Variants in FGGY observed in about 807,000 individuals in gnomAD.
The protein encoded by FGGY is FGGY carbohydrate kinase domain-containing protein.
FGGY carries 72 observed loss-of-function variants against 71.3 expected under a neutral mutation model. The ratio of observed to expected loss-of-function variants is 1.01; its 90% CI spans 0.84 to 1.23. FGGY has a LOEUF of 1.23. Among genes scored for constraint, FGGY ranks in the 50% most tolerant of loss-of-function variants. The probability of loss-of-function intolerance (pLI) is 0.00; values close to 1 mark genes in which losing one functional copy is unlikely to be tolerated. For synonymous variants in FGGY, 251 were observed against 250.3 expected, an observed-to-expected ratio of 1.00 and a Z score of -0.02; for missense variants, 668 against 682.3, an observed-to-expected ratio of 0.98 and a Z score of 0.23.
chr1:59,378,658 T>C lies in FGGY; in HGVS notation c.466-91T>C, dbSNP rs1287935056. ...ATGTTTCAATGGGCATTGTTGGCTA[T>C]GCTTTTGTTTTGAAAAATTTGAAAC... is the stretch of plus-strand genomic sequence containing the variant. On this transcript the variant is annotated intron_variant, in intron 4 of 15. Transcript: ENST00000303721. The C allele has an allele frequency of 2.4e-5, 27 of 1,124,462 alleles. No individual in the cohort carries two copies. The South Asian group carries it at 2.8e-4, about 12-fold the overall frequency. 69.7% of individuals were successfully genotyped at this position (1,124,462 alleles called of 1,614,324 possible).
chr1:59,756,125 T>A (rs986196029), intron 14 of FGGY: 1 of 152,222 alleles, frequency 6.6e-6, no homozygotes, highest in African/African-American at 2.4e-5. Context: ...CTAAGATGTG[T>A]TTGACCATTT....
chr1:59,548,508 C>T (rs1459546860), intron 7 of FGGY, among the ~76,000 whole-genome samples: 1 of 152,042 alleles, frequency 6.6e-6, no homozygotes, highest in Non-Finnish European at 1.5e-5. Flanking sequence ...GGCATCTTTG[C>T]CCAAGGGGAT....
intron 6 of FGGY, among the ~76,000 whole-genome samples, chr1:59,464,086 T>A (rs1175882228): frequency 6.6e-6 from 1 of 152,172 alleles, no homozygotes; most frequent in Non-Finnish European, 1.5e-5. Context: ...CACATTGCAC[T>A]TATTCCAAAA....
intron 6 of FGGY, among the ~76,000 whole-genome samples, chr1:59,464,239 A>G (rs908791791): frequency 6.6e-6 from 1 of 152,260 alleles, no homozygotes. Flanking sequence ...CTACGTGGAA[A>G]GTGAACAACC....
chr1:59,742,755 C>T (rs901046406), intron 14 of FGGY, among the ~76,000 whole-genome samples: 6 of 152,242 alleles, frequency 3.9e-5, no homozygotes, highest in African/African-American at 1.4e-4. Flanking sequence ...ACCTCAAGGA[C>T]ATTCTGAGCC....
intron 2 of FGGY, among the ~76,000 whole-genome samples, chr1:59,338,506 G>T (rs1469548235): frequency 6.6e-6 from 1 of 151,622 alleles, no homozygotes; most frequent in South Asian, 2.1e-4. Flanking sequence ...GCACAAATTT[G>T]ATTTTTCAAA....
intron 8 of FGGY, among the ~76,000 whole-genome samples, chr1:59,584,054 G>A (rs1349226386): frequency 6.7e-6 from 1 of 149,668 alleles, no homozygotes; most frequent in Admixed American, 6.6e-5. Context: ...TCCAGGACCG[G>A]ATGGATTCAC....
chr1:59,345,030 C>G lies in FGGY; in HGVS notation c.314-1217C>G, dbSNP rs537110652. Reference sequence around the variant, plus strand: ...TCCAAAATACACTTTGTGCATTTCCCAGCTGTGAGACATTGGGTACGTCTT... The same window carrying G: ...TCCAAAATACACTTTGTGCATTTCCGAGCTGTGAGACATTGGGTACGTCTT... On this transcript the variant is annotated intron_variant, in intron 3 of 15. Transcript: ENST00000303721. Among the ~76,000 whole-genome samples, 7 of 152,170 alleles carry G rather than the reference C, an allele frequency of 4.6e-5. No homozygotes were observed. The South Asian group carries it at 1.5e-3, about 32-fold the overall frequency.
chr1:59,629,346 T>C (rs1376026469), intron 10 of FGGY, among the ~76,000 whole-genome samples: 1 of 152,226 alleles, frequency 6.6e-6, no homozygotes, highest in East Asian at 1.9e-4. Flanking sequence ...AATACTGTAG[T>C]AAAATATACG....
intron 14 of FGGY, among the ~76,000 whole-genome samples, chr1:59,746,095 C>G (rs542094056): frequency 2.0e-5 from 3 of 152,102 alleles, no homozygotes; most frequent in African/African-American, 7.2e-5. Flanking sequence ...CAATGATAAA[C>G]CTCCAGGTAG....
At chr1:59,297,001 A>C (rs1158033878), upstream of FGGY, 1 of 152,836 alleles carries the variant, frequency 6.5e-6, no homozygotes, top group Admixed American at 6.5e-5. Context: ...GGCTTCTCCA[A>C]CCCGGCCCGG....
At chr1:59,426,979 C>G (rs1418182744) in intron 5 of FGGY, among the ~76,000 whole-genome samples, 1 of 152,146 alleles carries the variant, frequency 6.6e-6, no homozygotes, top group East Asian at 1.9e-4. Context: ...AGAGGCCAAG[C>G]ATGCTGGGGA....
In FGGY at chr1:59,752,874, A is replaced by G. The variant is rs61065351; in HGVS notation, c.1513-5057A>G. Among the ~76,000 whole-genome samples the G allele has an allele frequency of 1.5e-3, 234 of 152,314 alleles. 6 individuals carry two copies. The East Asian group carries it at 0.034, about 22-fold the overall frequency. ...GTACAGGGCCCCTATTTTTTCCTCC[A>G]GAAACCCTTCACTTGCTTTCAGAAG... On this transcript the variant is annotated intron_variant, in intron 14 of 15. Coordinates refer to ENST00000303721, the MANE Select transcript of FGGY (RefSeq NM_018291.5).
chr1:59,416,036 A>G (rs967633488), intron 5 of FGGY, among the ~76,000 whole-genome samples: 8 of 152,212 alleles, frequency 5.3e-5, no homozygotes, highest in African/African-American at 1.2e-4. Context: ...TGTGTGGCCA[A>G]TAGGGTAGGA....
At chr1:59,590,674 C>G (rs1455350282) in intron 8 of FGGY, among the ~76,000 whole-genome samples, 2 of 152,168 alleles carry the variant, frequency 1.3e-5, no homozygotes, top group South Asian at 4.1e-4. Flanking sequence ...ATAAACAGAA[C>G]CAAAGGAAAA....
intron 12 of FGGY, among the ~76,000 whole-genome samples, chr1:59,661,265 CT>C (rs1451567597): frequency 1.3e-5 from 2 of 152,094 alleles, no homozygotes; most frequent in African/African-American, 4.8e-5. Context: ...AACAGAAGTG[CT>C]TTTTTAATGC....
chr1:59,326,181 A>C (rs2047399110), intron 2 of FGGY, among the ~76,000 whole-genome samples: 1 of 152,254 alleles, frequency 6.6e-6, no homozygotes, highest in African/African-American at 2.4e-5. Flanking sequence ...TTGAGCACTT[A>C]ACTATGTGCT....
intron 8 of FGGY, among the ~76,000 whole-genome samples, chr1:59,580,335 C>G (rs2153748649): frequency 6.6e-6 from 1 of 152,224 alleles, no homozygotes; most frequent in Admixed American, 6.5e-5. Context: ...TCCTAACTTG[C>G]TTTAGCCTTT....
chr1:59,321,038 T>G (rs956219780), intron 1 of FGGY, among the ~76,000 whole-genome samples: 1 of 152,206 alleles, frequency 6.6e-6, no homozygotes, highest in Non-Finnish European at 1.5e-5. Flanking sequence ...TCTAGAGTCA[T>G]AGTGAGGAGT....
Sources: allele counts gnomAD v4.1 joint callset (sites outside exome capture counted in the v4.1 genomes callset), GRCh38; gene constraint gnomAD v4.1.1; transcripts MANE v1.5; gene names NCBI Gene and HGNC (gene_info 2026-07-23, HGNC 2026-07-21).